ARL6IP6: variants seen among roughly 807,000 people sequenced by gnomAD.
The protein encoded by ARL6IP6 is ADP-ribosylation factor-like protein 6-interacting protein 6.
Under a neutral mutation model 21.5 loss-of-function variants are expected in ARL6IP6, and 22 were observed. The observed-to-expected ratio is 1.02, with a 90% confidence interval of 0.73 to 1.46. The LOEUF (loss-of-function observed/expected upper bound fraction) is 1.46. Among genes scored for constraint, ARL6IP6 ranks in the 40% most tolerant of loss-of-function variants. ARL6IP6 has a pLI of 0.00. For synonymous variants in ARL6IP6, 164 were observed against 125.3 expected (o/e 1.31, Z -2.06); for missense variants, 388 against 299.8 (o/e 1.29, Z -2.17).
At chr2:152,739,246 A>G (rs1337653104) in intron 3 of ARL6IP6, among the ~76,000 whole-genome samples, 1 of 152,116 alleles carries the variant, frequency 6.6e-6, no homozygotes, top group Non-Finnish European at 1.5e-5. Flanking sequence ...TGGCCTCCCA[A>G]AGTACTGGGA....
chr2:152,719,034 C>A lies in ARL6IP6; in HGVS notation c.400+10C>A. The A allele has an allele frequency of 6.5e-7, 1 of 1,529,328 alleles. No individual in the cohort carries two copies. The highest frequency in any genetic ancestry group is 8.8e-7 in the Non-Finnish European group (1 of 1,138,054). 94.7% of individuals were successfully genotyped at this position (1,529,328 alleles called of 1,614,324 possible). On this transcript the variant is annotated intron_variant, in intron 1 of 3. Transcript: ENST00000326446. ...TACTTGATCGTTAAAGGTATTGAAG[C>A]CGACGCCTTGAAAGTCTGTCCAGAG... is the stretch of plus-strand genomic sequence containing the variant.
At chr2:152,740,130 T>C (rs1231874764) in intron 3 of ARL6IP6, among the ~76,000 whole-genome samples, 1 of 152,160 alleles carries the variant, frequency 6.6e-6, no homozygotes, top group Non-Finnish European at 1.5e-5. Flanking sequence ...CAAGGTCTGG[T>C]TTGGTTCTGT....
chr2:152,718,410 A>C, upstream of ARL6IP6: 1 of 561,392 alleles, frequency 1.8e-6, no homozygotes, highest in South Asian at 6.2e-5. Flanking sequence ...TTCCGGCTAC[A>C]GCCCTGGGGT....
intron 3 of ARL6IP6, among the ~76,000 whole-genome samples, chr2:152,747,119 C>G (rs902138130): frequency 2.6e-5 from 4 of 152,044 alleles, no homozygotes; most frequent in Non-Finnish European, 4.4e-5. Context: ...CGTGAGCCAC[C>G]ACGCCCAGCC....
intron 2 of ARL6IP6, among the ~76,000 whole-genome samples, chr2:152,724,484 G>A (rs887472450): frequency 1.3e-5 from 2 of 152,084 alleles, no homozygotes; most frequent in Non-Finnish European, 1.5e-5. Context: ...GTATAGCAAG[G>A]CAGAAAAAGA....
chr2:152,730,065 A>G lies in ARL6IP6; in HGVS notation c.455-4929A>G, dbSNP rs566389167. ...AACACTTCTAGACCACAATATTGCA[A>G]TGTACTTTTTTTACCCCTATCATTG... On this transcript the variant is annotated intron_variant, in intron 2 of 3. Transcript: ENST00000326446. Among the ~76,000 whole-genome samples, 4 of 152,292 alleles carry G rather than the reference A, an allele frequency of 2.6e-5. No individual in the cohort carries two copies. The South Asian group carries it at 6.2e-4, about 24-fold the overall frequency.
chr2:152,742,045 T>A (rs909660736), intron 3 of ARL6IP6, among the ~76,000 whole-genome samples: 1 of 152,224 alleles, frequency 6.6e-6, no homozygotes, highest in Non-Finnish European at 1.5e-5. Flanking sequence ...TTATCCTGCT[T>A]CTTCTACACT....
In ARL6IP6 at chr2:152,718,711, C is replaced by T. The variant is rs1178342866; in HGVS notation, c.87C>T (p.Ser29=). The T allele has an allele frequency of 1.2e-6, 2 of 1,607,764 alleles. No individual in the cohort carries two copies. Among genetic ancestry groups the T allele is most frequent in the South Asian group, 1.1e-5 (1 of 89,894 alleles). ...GCCCTGTGGCTCGGCCATCGTATTC[C>T]TCCTTTACTCAGGGGGACAGCTGGG... is the stretch of plus-strand genomic sequence containing the variant. ...TPGPVARPSY[S]SFTQGDSWGE... is the part of the protein sequence containing the mutation. The change falls in exon 1 of 4, where the codon TCC becomes TCT. Residue 29 remains serine (S), a synonymous_variant. Coordinates refer to ENST00000326446, the MANE Select transcript of ARL6IP6 (RefSeq NM_152522.7).
chr2:152,718,654 G>A lies in ARL6IP6; in HGVS notation c.30G>A (p.Ser10=). Residue 10 remains serine (S), a synonymous_variant, in exon 1 of 4, where the codon TCG becomes TCA. Transcript: ENST00000326446. The part of the protein sequence containing the change: MSFAESGWR[S]ALRRRGPGTP... ...CGTTTGCTGAGAGCGGGTGGCGGTC[G>A]GCTCTGCGGCGCCGCGGTCCCGGCA... The A allele has an allele frequency of 1.3e-6, 2 of 1,549,050 alleles. No individual in the cohort carries two copies. The highest frequency in any genetic ancestry group is 1.7e-6 in the Non-Finnish European group (2 of 1,147,262).
At chr2:152,749,726 A>G (rs1701231322) in intron 3 of ARL6IP6, among the ~76,000 whole-genome samples, 1 of 152,164 alleles carries the variant, frequency 6.6e-6, no homozygotes, top group Non-Finnish European at 1.5e-5. Flanking sequence ...ACCCGTGTTT[A>G]TCTAATCATA....
intron 2 of ARL6IP6, among the ~76,000 whole-genome samples, chr2:152,731,959 A>G (rs948746348): frequency 4.6e-5 from 7 of 152,094 alleles, no homozygotes; most frequent in African/African-American, 1.7e-4. Context: ...ATCAGTACCT[A>G]AAGAGCTTCC....
In ARL6IP6 at chr2:152,719,040, C is replaced by A. The variant is rs1451044357; in HGVS notation, c.400+16C>A. Reference sequence around the variant, plus strand: ...ATCGTTAAAGGTATTGAAGCCGACGCCTTGAAAGTCTGTCCAGAGTAAAGT... The same window carrying A: ...ATCGTTAAAGGTATTGAAGCCGACGACTTGAAAGTCTGTCCAGAGTAAAGT... On this transcript the variant is annotated intron_variant, in intron 1 of 3. Transcript: ENST00000326446. The A allele has an allele frequency of 6.6e-7, 1 of 1,518,882 alleles. No homozygotes were observed. The highest frequency in any genetic ancestry group is 1.4e-5 in the African/African-American group (1 of 72,116). 94.1% of individuals were successfully genotyped at this position (1,518,882 alleles called of 1,614,324 possible). A position where few individuals can be genotyped will look rare whatever the true frequency, so the allele number is the denominator to read the frequency against.
At chr2:152,746,485 C>T (rs1288520042) in intron 3 of ARL6IP6, among the ~76,000 whole-genome samples, 2 of 152,118 alleles carry the variant, frequency 1.3e-5, no homozygotes, top group Admixed American at 6.5e-5. Context: ...TATAAATTAC[C>T]AGAGGCAGCC....
At chr2:152,735,543 T>A (rs1700512159) in intron 3 of ARL6IP6, among the ~76,000 whole-genome samples, 1 of 152,216 alleles carries the variant, frequency 6.6e-6, no homozygotes, top group Non-Finnish European at 1.5e-5. Context: ...CTTTGTGTAA[T>A]AATTAGCAAA....
At chr2:152,718,081 A>G (rs1407226163), upstream of ARL6IP6, 44 of 992,058 alleles carry the variant, frequency 4.4e-5, no homozygotes, top group Non-Finnish European at 5.2e-5. Context: ...CACTAAAGGG[A>G]GATGGGGGTG....
intron 3 of ARL6IP6, among the ~76,000 whole-genome samples, chr2:152,737,930 G>T (rs1025001633): frequency 6.6e-6 from 1 of 152,104 alleles, no homozygotes; most frequent in East Asian, 1.9e-4. Flanking sequence ...TAACTCATAA[G>T]TCCACAGTCC....
intron 3 of ARL6IP6, among the ~76,000 whole-genome samples, chr2:152,749,647 T>C (rs980505662): frequency 2.6e-5 from 4 of 152,132 alleles, no homozygotes; most frequent in Admixed American, 2.6e-4. Flanking sequence ...AGAAGAAAAT[T>C]GAAGGTCAAA....
chr2:152,732,518 T>A (rs2105121211), intron 2 of ARL6IP6: 2 of 444,808 alleles, frequency 4.5e-6, no homozygotes, highest in African/African-American at 2.1e-5. Context: ...TCTTTTTTTT[T>A]ATTGGCTTCT....
chr2:152,745,817 T>C (rs186250268), intron 3 of ARL6IP6, among the ~76,000 whole-genome samples: 16 of 152,238 alleles, frequency 1.1e-4, no homozygotes, highest in African/African-American at 2.9e-4. Flanking sequence ...AATATATTGA[T>C]GGCATTGCAC....
Sources: allele counts gnomAD v4.1 joint callset (sites outside exome capture counted in the v4.1 genomes callset), GRCh38; gene constraint gnomAD v4.1.1; transcripts MANE v1.5; gene names NCBI Gene and HGNC (gene_info 2026-07-23, HGNC 2026-07-21).